The following EPB41 variants were observed in gnomAD, a reference collection of about 807,000 sequenced individuals.
The protein encoded by EPB41 is erythrocyte membrane protein band 4.1.
EPB41 carries 65 observed loss-of-function variants against 108.0 expected under a neutral mutation model. The ratio of observed to expected loss-of-function variants is 0.60; its 90% confidence interval spans 0.49 to 0.74. The LOEUF is 0.74. EPB41 is among the 30% of genes least tolerant of loss of function. The pLI is 0.00. For missense variants in EPB41, 875 were observed against 1,037.0 expected (o/e 0.84, Z 2.15); for synonymous variants, 336 against 358.9 (o/e 0.94, Z 0.72).
At position 29,115,236 on chromosome 1, in the gene EPB41, T is replaced by TA. The variant is rs1362472895; in HGVS notation, c.2497-462dup. On this transcript the variant is annotated intron_variant, in intron 19 of 20. Coordinates refer to ENST00000343067, the MANE Select transcript of EPB41 (RefSeq NM_001376013.1). This position sits in a 1 kb window ranked among gnomAD's most constrained non-coding sequence, Gnocchi z 4.4. ...GGTGAAACCCCATCTCTACAAAAAA[T>TA]ACAAAAATTAGCTGGGCGTAGTGGT... Among the ~76,000 whole-genome samples the TA allele has an allele frequency of 6.6e-6, 1 of 151,796 alleles. No individual in the cohort carries two copies. Among genetic ancestry groups the TA allele is most frequent in the African/African-American group, 2.4e-5 (1 of 41,308 alleles).
chr1:29,030,342 T>A, intron 7 of EPB41, 58 bp from the exon 8 acceptor site: 1 of 1,258,562 alleles, frequency 7.9e-7, no homozygotes, highest in Non-Finnish European at 1.2e-6. Context: ...ATATAAATGT[T>A]ACTGTAAATG....
At chr1:29,060,110 A>G (rs1182340836) in intron 14 of EPB41, among the ~76,000 whole-genome samples, 1 of 152,120 alleles carries the variant, frequency 6.6e-6, no homozygotes. Context: ...TTTTAAGGTA[A>G]CCCTCAAACA....
intron 2 of EPB41, among the ~76,000 whole-genome samples, chr1:28,991,454 A>G (rs2096015174): frequency 6.6e-6 from 1 of 151,912 alleles, no homozygotes; most frequent in Admixed American, 6.6e-5. Flanking sequence ...CTGTAAATCC[A>G]GCACTCTGGG....
At chr1:28,897,612 G>GGGGAGAGGAA (rs1290511292) in intron 1 of EPB41, among the ~76,000 whole-genome samples, 25 of 20,774 alleles carry the variant, frequency 1.2e-3, no homozygotes, top group African/African-American at 5.6e-3. Context: ...GGGGAGGGGA[G>GGGGAGAGGAA]GGGAGAGGAG....
At chr1:29,113,347 C>T (rs979580030) in intron 19 of EPB41, among the ~76,000 whole-genome samples, 6 of 152,166 alleles carry the variant, frequency 3.9e-5, no homozygotes, top group Non-Finnish European at 7.3e-5. Context: ...TGCTGAGTGC[C>T]TTTAAAAAAA....
At chr1:28,934,232 A>T (rs569819748) in intron 1 of EPB41, among the ~76,000 whole-genome samples, 1 of 152,340 alleles carries the variant, frequency 6.6e-6, no homozygotes, top group East Asian at 1.9e-4. Flanking sequence ...AGGAAGACCC[A>T]GAGAGGTAAA....
chr1:28,961,434 G>A (rs2095209248), intron 1 of EPB41, among the ~76,000 whole-genome samples: 2 of 152,142 alleles, frequency 1.3e-5, no homozygotes, highest in African/African-American at 4.8e-5. Flanking sequence ...GGATAAAGTA[G>A]CACACTAAAG....
intron 16 of EPB41, among the ~76,000 whole-genome samples, chr1:29,078,437 G>A (rs1306974715): frequency 6.6e-6 from 1 of 152,106 alleles, no homozygotes; most frequent in African/African-American, 2.4e-5. Flanking sequence ...TTTCTATTAA[G>A]CAGTCAGGGT....
At chr1:29,106,068 G>A (rs1484141713) in intron 17 of EPB41, among the ~76,000 whole-genome samples, 6 of 152,100 alleles carry the variant, frequency 3.9e-5, no homozygotes, top group Admixed American at 2.0e-4. Flanking sequence ...TGTTGTGGGC[G>A]TTTCATTTAT....
chr1:28,976,289 A>C (rs1042535225), intron 1 of EPB41, among the ~76,000 whole-genome samples: 1 of 152,204 alleles, frequency 6.6e-6, no homozygotes, highest in Non-Finnish European at 1.5e-5. Flanking sequence ...AGGCATGTAG[A>C]ATAATGTGTG....
At chr1:28,948,298 G>A (rs1387434258) in intron 1 of EPB41, among the ~76,000 whole-genome samples, 2 of 151,944 alleles carry the variant, frequency 1.3e-5, no homozygotes, top group African/African-American at 2.4e-5. Flanking sequence ...CGGATCACGA[G>A]GTAAGGAGAT....
chr1:29,025,005 C>T (rs1353798744), intron 7 of EPB41, among the ~76,000 whole-genome samples: 4 of 152,148 alleles, frequency 2.6e-5, no homozygotes, highest in Admixed American at 1.3e-4. Context: ...GAGGCATATG[C>T]ATTTTACTAT....
intron 16 of EPB41, chr1:29,070,440 C>T (rs1650797195): frequency 1.6e-6 from 2 of 1,232,100 alleles, no homozygotes; most frequent in African/African-American, 1.6e-5. Flanking sequence ...AGAGCCTTGC[C>T]CCAGCAAGAA....
chr1:28,914,503 T>A (rs896154866), upstream of EPB41: 2 of 152,144 alleles, frequency 1.3e-5, no homozygotes, highest in Non-Finnish European at 2.9e-5. Flanking sequence ...TACAATGTTG[T>A]GGCGAACTGA....
chr1:28,945,857 A>G (rs1023172565), intron 1 of EPB41, among the ~76,000 whole-genome samples: 2 of 152,248 alleles, frequency 1.3e-5, no homozygotes, highest in African/African-American at 4.8e-5. Flanking sequence ...GACATTAGTC[A>G]AGATTTGCCA....
chr1:28,926,231 T>G (rs1369173433), intron 1 of EPB41, among the ~76,000 whole-genome samples: 4 of 151,882 alleles, frequency 2.6e-5, no homozygotes, highest in African/African-American at 7.3e-5. Flanking sequence ...GAGATCTGGG[T>G]GGGGCTACAG....
chr1:28,937,891 C>A (rs1013731885), intron 1 of EPB41, among the ~76,000 whole-genome samples: 5 of 152,178 alleles, frequency 3.3e-5, no homozygotes, highest in Non-Finnish European at 5.9e-5. Context: ...AGACAGGGGT[C>A]TGTCTGGATT....
rs773710796 is a variant in EPB41 at position 29,109,410 on chromosome 1, C to T, written c.2388C>T (p.Ser796=). The change falls in exon 18 of 21, where the codon AGC becomes AGT. Residue 796 remains serine, a synonymous_variant. Transcript: ENST00000343067. ...AAACTATCACATCTGAGACCCCAAGCAGCACCACCACAACTCAAATTACCA... is the reference window on the plus strand; with the variant it reads ...AAACTATCACATCTGAGACCCCAAGTAGCACCACCACAACTCAAATTACCA... ...TAQTITSETP[S]STTTTQITKT... 2 of 1,614,034 alleles carry T rather than the reference C, an allele frequency of 1.2e-6. No individual in the cohort carries two copies. The highest frequency in any genetic ancestry group is 2.2e-5 in the South Asian group (2 of 91,074).
chr1:28,975,113 G>A (rs1366004094), intron 1 of EPB41, among the ~76,000 whole-genome samples: 2 of 151,316 alleles, frequency 1.3e-5, no homozygotes, highest in Admixed American at 6.6e-5. Context: ...TGTATTTTTA[G>A]TAGAGATGGG....
Sources: allele counts gnomAD v4.1 joint callset (sites outside exome capture counted in the v4.1 genomes callset), GRCh38; gene constraint gnomAD v4.1.1; non-coding constraint Gnocchi (gnomAD v3.1); transcripts MANE v1.5; gene names NCBI Gene and HGNC (gene_info 2026-07-23, HGNC 2026-07-21).